Variants in PCNX1 observed in about 807,000 individuals in gnomAD.
PCNX1 encodes pecanex 1.
In PCNX1, 78 loss-of-function variants were observed where a neutral mutation model predicts 242.2. The ratio of observed to expected loss-of-function variants is 0.32; its 90% CI spans 0.27 to 0.39. The LOEUF (loss-of-function observed/expected upper bound fraction) is 0.39, where lower values mean the gene tolerates loss of function less well. PCNX1 is among the 10% of genes least tolerant of loss of function. The probability of loss-of-function intolerance (pLI) is 1.00; values close to 1 mark genes in which losing one functional copy is unlikely to be tolerated. For missense variants in PCNX1, 2,581 were observed against 2,856.5 expected (o/e 0.90, Z 2.20); for synonymous variants, 1,024 against 1,032.9 (o/e 0.99, Z 0.17).
chr14:71,025,104 G>A (rs920829085), intron 13 of PCNX1, among the ~76,000 whole-genome samples: 1 of 152,072 alleles, frequency 6.6e-6, no homozygotes, highest in African/African-American at 2.4e-5. Context: ...TTCTCATCCT[G>A]TCATTCCTTC....
chr14:71,065,695 A>G lies in PCNX1; in HGVS notation c.4853-7850A>G, dbSNP rs1015992858. 5.3e-5 allele frequency among the ~76,000 whole-genome samples: 8 copies of G among 152,242 alleles called. No individual in the cohort carries two copies. The East Asian group carries it at 7.7e-4, about 15-fold the overall frequency. ...ATAGTTGTGAAGTCTGCCCATGCCT[A>G]TGTCCTGAATGGTATTGTCTAGCTT... On this transcript the variant is annotated intron_variant, in intron 26 of 35. Coordinates refer to ENST00000304743, the MANE Select transcript of PCNX1 (RefSeq NM_014982.3).
intron 10 of PCNX1, 111 bp from the exon 11 acceptor site, chr14:71,012,874 C>A (rs2059861833): frequency 8.5e-6 from 6 of 708,950 alleles, no homozygotes; most frequent in Non-Finnish European, 1.5e-5. Flanking sequence ...GCTTAGATAA[C>A]TGATAAGCTA....
intron 3 of PCNX1, among the ~76,000 whole-genome samples, chr14:70,964,733 G>A (rs1247522424): frequency 6.6e-6 from 1 of 152,138 alleles, no homozygotes; most frequent in East Asian, 1.9e-4. Context: ...TTTAGGGAGG[G>A]AGTCCCTTTT....
chr14:71,027,009 T>C (rs2060260044), intron 15 of PCNX1, 127 bp downstream of exon 15: 3 of 504,058 alleles, frequency 6.0e-6, no homozygotes, highest in Non-Finnish European at 1.0e-5. Flanking sequence ...AAAAAAGACA[T>C]TAAGTGATTG....
At chr14:70,954,324 C>T (rs1217651203) in intron 2 of PCNX1, among the ~76,000 whole-genome samples, 2 of 152,122 alleles carry the variant, frequency 1.3e-5, no homozygotes, top group Non-Finnish European at 2.9e-5. Context: ...AAACATGACT[C>T]TTGATAGCCA....
chr14:71,012,862 G>C (rs1395970037), intron 10 of PCNX1, 123 bp from the exon 11 acceptor site: 1 of 676,696 alleles, frequency 1.5e-6, no homozygotes, highest in Non-Finnish European at 2.5e-6. Context: ...GAAAATTAAA[G>C]GGCTTAGATA....
At chr14:71,040,217 C>G (rs1386288591) in intron 19 of PCNX1, among the ~76,000 whole-genome samples, 1 of 152,048 alleles carries the variant, frequency 6.6e-6, no homozygotes, top group Non-Finnish European at 1.5e-5. Context: ...GTCCTTATTT[C>G]GCTATTGGTA....
At chr14:71,107,951 CTTT>C (rs1331766562) in intron 33 of PCNX1, among the ~76,000 whole-genome samples, 5 of 152,288 alleles carry the variant, frequency 3.3e-5, no homozygotes, top group African/African-American at 1.2e-4. Context: ...TCATATACTT[CTTT>C]GTGATAAGAA....
intron 8 of PCNX1, among the ~76,000 whole-genome samples, chr14:70,998,987 ATT>A (rs1456150642): frequency 6.6e-6 from 1 of 151,888 alleles, no homozygotes; most frequent in Non-Finnish European, 1.5e-5. Context: ...TTTTCTTCTG[ATT>A]GGTCTTTTGT....
At chr14:71,024,252 A>G (rs2060180028) in intron 13 of PCNX1, among the ~76,000 whole-genome samples, 1 of 152,152 alleles carries the variant, frequency 6.6e-6, no homozygotes, top group Non-Finnish European at 1.5e-5. Flanking sequence ...ATTCAAGATA[A>G]TTATCAAAAT....
At chr14:71,076,467 G>C in intron 28 of PCNX1, 48 bp downstream of exon 28, 1 of 1,259,356 alleles carries the variant, frequency 7.9e-7, no homozygotes, top group Non-Finnish European at 1.2e-6. Flanking sequence ...TTTTTCCAAA[G>C]ATGCAAAGAA....
intron 1 of PCNX1, among the ~76,000 whole-genome samples, chr14:70,926,464 C>T (rs191255493): frequency 1.1e-4 from 17 of 152,144 alleles, no homozygotes. Flanking sequence ...TAAATAGCAG[C>T]AAGAGAAGCA....
chr14:71,061,648 G>A (rs1481058967), intron 26 of PCNX1, among the ~76,000 whole-genome samples: 2 of 152,198 alleles, frequency 1.3e-5, no homozygotes, highest in Non-Finnish European at 2.9e-5. Flanking sequence ...CTTGCTTAGG[G>A]TGATGTCACC....
Position 70,969,138 on chromosome 14 carries a change from T to C in PCNX1, c.604+28T>C, listed in dbSNP as rs183332969. The C allele has an allele frequency of 1.5e-4, 201 of 1,310,432 alleles. 2 individuals are homozygous for C. The Admixed American group carries it at 3.3e-3, about 21-fold the overall frequency. The allele number at this position is 1,310,432 out of a possible 1,614,324, so 81.2% of individuals were successfully genotyped here. ...AAGAACGTTATACTTTACCATGATGTCATATACTGTGGTGACCAGAGTTAA... is the reference window on the plus strand; with the variant it reads ...AAGAACGTTATACTTTACCATGATGCCATATACTGTGGTGACCAGAGTTAA... On this transcript the variant is annotated intron_variant, in intron 5 of 35. Coordinates refer to ENST00000304743, the MANE Select transcript of PCNX1 (RefSeq NM_014982.3).
intron 19 of PCNX1, among the ~76,000 whole-genome samples, chr14:71,043,273 T>G (rs1264210410): frequency 2.6e-5 from 4 of 152,172 alleles, no homozygotes; most frequent in Admixed American, 2.6e-4. Context: ...ATAATGTGCC[T>G]TGGAAAAGAC....
intron 1 of PCNX1, among the ~76,000 whole-genome samples, chr14:70,913,896 C>T (rs1268214978): frequency 6.6e-6 from 1 of 152,056 alleles, no homozygotes; most frequent in Non-Finnish European, 1.5e-5. Context: ...TTTCTGCATC[C>T]TTTAGGGGAA....
intron 2 of PCNX1, among the ~76,000 whole-genome samples, chr14:70,949,915 C>T (rs1045581353): frequency 2.0e-5 from 3 of 152,160 alleles, no homozygotes; most frequent in Admixed American, 6.5e-5. Context: ...CCCTGATTTA[C>T]AGATGTGGAA....
intron 26 of PCNX1, among the ~76,000 whole-genome samples, chr14:71,070,945 T>G (rs1260691169): frequency 1.3e-5 from 2 of 152,226 alleles, no homozygotes; most frequent in Non-Finnish European, 2.9e-5. Context: ...AATCTGTTGT[T>G]GTAGTGTAGC....
chr14:70,938,983 T>C (rs1393596438), intron 1 of PCNX1, among the ~76,000 whole-genome samples: 1 of 152,236 alleles, frequency 6.6e-6, no homozygotes. Context: ...ACATCCCCTT[T>C]ATCATTTTTT....
Sources: allele counts gnomAD v4.1 joint callset (sites outside exome capture counted in the v4.1 genomes callset), GRCh38; gene constraint gnomAD v4.1.1; transcripts MANE v1.5; gene names NCBI Gene and HGNC (gene_info 2026-07-23, HGNC 2026-07-21).